CCDC178: variants seen among roughly 807,000 people sequenced by gnomAD.
CCDC178 encodes coiled-coil domain containing 178.
CCDC178 carries 126 observed loss-of-function variants against 117.4 expected under a neutral mutation model. The observed-to-expected ratio is 1.07, with a 90% CI of 0.93 to 1.24. The LOEUF (loss-of-function observed/expected upper bound fraction) is 1.24. Ranked by LOEUF, CCDC178 falls within the 50% of genes most tolerant of loss-of-function variation. CCDC178 has a pLI of 0.00. For synonymous variants in CCDC178, 283 were observed against 313.4 expected (o/e 0.90, Z 1.02); for missense variants, 1,030 against 986.9 (o/e 1.04, Z -0.59).
At chr18:33,015,642 A>C (rs1043644398) in intron 21 of CCDC178, among the ~76,000 whole-genome samples, 1 of 152,092 alleles carries the variant, frequency 6.6e-6, no homozygotes, top group South Asian at 2.1e-4. Flanking sequence ...GTAAATAGAA[A>C]AAAAAAAAAT....
chr18:33,284,786 G>C (rs140721294), intron 12 of CCDC178, among the ~76,000 whole-genome samples: 4 of 152,252 alleles, frequency 2.6e-5, no homozygotes, highest in African/African-American at 7.2e-5. Context: ...TTGTGGGGCA[G>C]ATCCCGACTG....
At chr18:33,042,188 T>C (rs2056561426) in intron 21 of CCDC178, among the ~76,000 whole-genome samples, 1 of 151,846 alleles carries the variant, frequency 6.6e-6, no homozygotes, top group Non-Finnish European at 1.5e-5. Flanking sequence ...AAGATATACC[T>C]TAATAATGGA....
intron 20 of CCDC178, among the ~76,000 whole-genome samples, chr18:33,175,410 T>C (rs957386416): frequency 2.0e-5 from 3 of 151,928 alleles, no homozygotes; most frequent in African/African-American, 7.3e-5. Context: ...TCTTGCTATG[T>C]TGCCCAGGCT....
chr18:33,111,120 C>A (rs1243771322), intron 20 of CCDC178, among the ~76,000 whole-genome samples: 10 of 151,332 alleles, frequency 6.6e-5, no homozygotes, highest in Non-Finnish European at 1.5e-4. Context: ...TAAATATATA[C>A]CTAGTTAAAT....
At chr18:33,115,667 G>A (rs184628394) in intron 20 of CCDC178, among the ~76,000 whole-genome samples, 7 of 151,830 alleles carry the variant, frequency 4.6e-5, no homozygotes, top group East Asian at 3.9e-4. Context: ...CACCTCCCCC[G>A]CCGCCGCCCT....
intron 21 of CCDC178, among the ~76,000 whole-genome samples, chr18:33,069,008 T>C (rs952182064): frequency 6.6e-6 from 1 of 152,056 alleles, no homozygotes; most frequent in African/African-American, 2.4e-5. Context: ...ATCAGGAGCA[T>C]TTGTATTCAC....
At chr18:33,048,001 C>T (rs148917787) in intron 21 of CCDC178, among the ~76,000 whole-genome samples, 1,929 of 152,228 alleles carry the variant, frequency 0.013, 18 homozygotes, top group Middle Eastern at 0.051. Context: ...CCAGTACCTC[C>T]GACTTAGTTT....
chr18:33,157,799 C>T (rs980447112), intron 20 of CCDC178, among the ~76,000 whole-genome samples: 1 of 151,994 alleles, frequency 6.6e-6, no homozygotes, highest in African/African-American at 2.4e-5. Context: ...TCTATATTAT[C>T]TGTCACTTTT....
chr18:33,351,358 A>G (rs549187924), intron 7 of CCDC178, among the ~76,000 whole-genome samples: 8 of 151,864 alleles, frequency 5.3e-5, no homozygotes, highest in Non-Finnish European at 1.2e-4. Flanking sequence ...ACACCCAGCT[A>G]ATTTTTGTAT....
intron 2 of CCDC178, among the ~76,000 whole-genome samples, chr18:33,424,551 C>T (rs957873007): frequency 6.6e-6 from 1 of 152,146 alleles, no homozygotes; most frequent in Non-Finnish European, 1.5e-5. Context: ...TATAACTACC[C>T]TTCTGACGCT....
At chr18:33,127,762 G>A (rs1046758354) in intron 20 of CCDC178, among the ~76,000 whole-genome samples, 1 of 152,106 alleles carries the variant, frequency 6.6e-6, no homozygotes, top group Non-Finnish European at 1.5e-5. Context: ...TAACAGTAGG[G>A]AGAATAAAGG....
intron 12 of CCDC178, among the ~76,000 whole-genome samples, chr18:33,284,694 A>G (rs1375812012): frequency 6.6e-6 from 1 of 152,194 alleles, no homozygotes; most frequent in Non-Finnish European, 1.5e-5. Context: ...TTTATATCAT[A>G]GTTTCTATAA....
intron 12 of CCDC178, among the ~76,000 whole-genome samples, chr18:33,280,870 G>A (rs1454143532): frequency 5.9e-5 from 9 of 151,978 alleles, no homozygotes; most frequent in African/African-American, 1.5e-4. Context: ...ACTAAACACC[G>A]CATGTTCTCA....
At chr18:33,387,919 C>G (rs1407343628) in intron 5 of CCDC178, among the ~76,000 whole-genome samples, 1 of 152,110 alleles carries the variant, frequency 6.6e-6, no homozygotes, top group South Asian at 2.1e-4. Context: ...TCAGAGTGAA[C>G]AGGCAACCTA....
At chr18:33,300,236 C>G (rs72948842) in intron 11 of CCDC178, among the ~76,000 whole-genome samples, 7,416 of 152,238 alleles carry the variant, frequency 0.049, 228 homozygotes, top group East Asian at 0.13. Flanking sequence ...TCAATAGAAG[C>G]CAAGCAAATG....
intron 3 of CCDC178, among the ~76,000 whole-genome samples, chr18:33,401,988 T>C (rs2063715109): frequency 1.3e-5 from 2 of 152,066 alleles, no homozygotes; most frequent in Non-Finnish European, 2.9e-5. Context: ...AATAATCAAA[T>C]AAAATCTGGT....
intron 20 of CCDC178, among the ~76,000 whole-genome samples, chr18:33,097,196 C>T (rs753277869): frequency 2.6e-5 from 4 of 152,132 alleles, no homozygotes; most frequent in Non-Finnish European, 4.4e-5. Flanking sequence ...CATACAGCTT[C>T]TGCCTGGCCC....
intron 4 of CCDC178, among the ~76,000 whole-genome samples, chr18:33,393,873 TGC>T (rs1391011679): frequency 6.6e-6 from 1 of 152,096 alleles, no homozygotes; most frequent in Admixed American, 6.6e-5. Flanking sequence ...TGTTCAAGTG[TGC>T]ATATATATAA....
At chr18:33,349,740 A>G (rs1236596749) in intron 7 of CCDC178, among the ~76,000 whole-genome samples, 2 of 151,886 alleles carry the variant, frequency 1.3e-5, no homozygotes, top group African/African-American at 4.8e-5. Flanking sequence ...ATTTTTTATT[A>G]AAGAAGTATT....
Sources: gnomAD v4.1 joint callset for allele counts (sites outside exome capture counted in the v4.1 genomes callset) on GRCh38, gnomAD v4.1.1 for gene constraint, MANE v1.5 for transcripts, NCBI Gene and HGNC (gene_info 2026-07-23, HGNC 2026-07-21) for gene names.